Variants in BBS9 observed in about 807,000 individuals in gnomAD.
BBS9 encodes Bardet-Biedl syndrome 9.
A neutral mutation model predicts 117.7 loss-of-function variants in BBS9; 89 were observed. That is an observed-to-expected ratio of 0.76 (90% CI 0.64 to 0.90). The LOEUF (loss-of-function observed/expected upper bound fraction) is 0.90, where lower values mean the gene tolerates loss of function less well. Among genes scored for constraint, BBS9 ranks in the 40% least tolerant of loss-of-function variants. The probability of loss-of-function intolerance (pLI) is 0.00; values close to 1 mark genes in which losing one functional copy is unlikely to be tolerated. For missense variants in BBS9, 982 were observed against 1,042.2 expected, an observed-to-expected ratio of 0.94 and a Z score of 0.80; for synonymous variants, 379 against 370.9, an observed-to-expected ratio of 1.02 and a Z score of -0.25.
At chr7:33,134,147 T>G (rs1790069065) in intron 1 of BBS9, among the ~76,000 whole-genome samples, 5 of 152,060 alleles carry the variant, frequency 3.3e-5, no homozygotes, top group Admixed American at 3.3e-4. Flanking sequence ...GCCTCCAGGT[T>G]CAAGCAATTC....
intron 16 of BBS9, among the ~76,000 whole-genome samples, chr7:33,366,700 A>G (rs527409293): frequency 6.9e-4 from 104 of 151,502 alleles, no homozygotes; most frequent in South Asian, 1.3e-3. Flanking sequence ...GCATGCCACC[A>G]CACCCGGCTA....
At chr7:33,193,999 G>A (rs962085572) in intron 5 of BBS9, among the ~76,000 whole-genome samples, 2 of 152,128 alleles carry the variant, frequency 1.3e-5, no homozygotes, top group African/African-American at 4.8e-5. Flanking sequence ...CCTCTCGCCT[G>A]TCTTCCACTT....
chr7:33,152,963 G>C, intron 3 of BBS9, 112 bp downstream of exon 3: 3 of 1,244,606 alleles, frequency 2.4e-6, no homozygotes, highest in Non-Finnish European at 3.5e-6. Context: ...ATATTTTCTG[G>C]ATATTGTCAC....
chr7:33,433,221 G>A (rs1224348394), intron 19 of BBS9, among the ~76,000 whole-genome samples: 2 of 152,044 alleles, frequency 1.3e-5, no homozygotes, highest in Non-Finnish European at 2.9e-5. Context: ...GCATTTGCTG[G>A]TATCACAAGT....
At chr7:33,241,355 A>G (rs1462844361) in intron 5 of BBS9, among the ~76,000 whole-genome samples, 1 of 152,122 alleles carries the variant, frequency 6.6e-6, no homozygotes, top group Non-Finnish European at 1.5e-5. Flanking sequence ...CTTTTGAGAC[A>G]TTCTCTGTGC....
chr7:33,203,557 T>A (rs1356010032), intron 5 of BBS9, among the ~76,000 whole-genome samples: 1 of 152,154 alleles, frequency 6.6e-6, no homozygotes, highest in Admixed American at 6.5e-5. Flanking sequence ...GGGGTACAGC[T>A]CAGGAATGTG....
rs987925565 is a variant in BBS9 at position 33,527,404 on chromosome 7, C to T, written c.2299-6550C>T. 9.2e-5 allele frequency among the ~76,000 whole-genome samples: 14 copies of T among 152,080 alleles called. No individual in the cohort carries two copies. In the South Asian group the frequency reaches 1.0e-3, roughly 11 times the overall value. On this transcript the variant is annotated intron_variant, in intron 20 of 22. Transcript: ENST00000242067. The stretch of plus-strand genomic sequence containing the variant: ...GCTGTGCTAGCAATCAGCGAGACTC[C>T]GTGGGCGTAGGACCCTCCGAGCCAG...
intron 5 of BBS9, chr7:33,243,057 G>T (rs1794794488): frequency 2.0e-6 from 1 of 507,154 alleles, no homozygotes; most frequent in Non-Finnish European, 3.9e-6. Context: ...TGCTAATAAT[G>T]TATGGACCAC....
At chr7:33,599,221 G>C (rs1051809484) in intron 21 of BBS9, among the ~76,000 whole-genome samples, 23 of 152,122 alleles carry the variant, frequency 1.5e-4, no homozygotes, top group African/African-American at 5.3e-4. Context: ...GGCAGGGCTT[G>C]AGTAAAATAG....
intron 9 of BBS9, among the ~76,000 whole-genome samples, chr7:33,283,927 G>T (rs950334868): frequency 2.0e-5 from 3 of 152,114 alleles, no homozygotes; most frequent in Admixed American, 6.5e-5. Context: ...CAAGAGGCTA[G>T]TGAGTGTCAC....
At chr7:33,283,951 G>A (rs1433504128) in intron 9 of BBS9, among the ~76,000 whole-genome samples, 1 of 152,074 alleles carries the variant, frequency 6.6e-6, no homozygotes, top group African/African-American at 2.4e-5. Context: ...AGCCCCTAAC[G>A]GCCCCTGTCA....
chr7:33,533,948 A>T lies in BBS9; in HGVS notation c.2299-6A>T. The stretch of plus-strand genomic sequence containing the variant: ...GTATTAATTCAAAATTGGCTTTTGT[A>T]TCCAGGGCTGGGAAGAAACGGTGGA... On this transcript the variant is annotated splice_region_variant and splice_polypyrimidine_tract_variant and intron_variant, in intron 20 of 22. Transcript: ENST00000242067. 6.2e-7 allele frequency: 1 copy of T among 1,614,278 alleles called. No homozygotes were observed. The highest frequency in any genetic ancestry group is 8.5e-7 in the Non-Finnish European group (1 of 1,180,050).
intron 21 of BBS9, among the ~76,000 whole-genome samples, chr7:33,630,818 G>A (rs1365099834): frequency 2.0e-5 from 3 of 151,928 alleles, no homozygotes; most frequent in African/African-American, 4.8e-5. Flanking sequence ...ACTCATTTAT[G>A]CATTCTTTCA....
chr7:33,226,993 T>C (rs181569142), intron 5 of BBS9, among the ~76,000 whole-genome samples: 9 of 152,278 alleles, frequency 5.9e-5, no homozygotes, highest in East Asian at 3.9e-4. Context: ...CACTTATGAA[T>C]GTACCTAATG....
At chr7:33,560,577 T>G (rs1855944724) in intron 21 of BBS9, among the ~76,000 whole-genome samples, 1 of 152,198 alleles carries the variant, frequency 6.6e-6, no homozygotes, top group African/African-American at 2.4e-5. Context: ...TGCTGCTTAC[T>G]TCCCCCTCCC....
chr7:33,430,334 A>G (rs754436010), intron 19 of BBS9, among the ~76,000 whole-genome samples: 2 of 152,220 alleles, frequency 1.3e-5, no homozygotes, highest in Non-Finnish European at 2.9e-5. Context: ...AGGTTCTACT[A>G]AACATTTTTC....
intron 7 of BBS9, among the ~76,000 whole-genome samples, chr7:33,269,482 C>T (rs375334844): frequency 6.6e-6 from 1 of 152,140 alleles, no homozygotes; most frequent in African/African-American, 2.4e-5. Context: ...ACCCTTGGCT[C>T]CAACCACTGC....
At position 33,299,534 on chromosome 7, in the gene BBS9, T is replaced by TAATATTATTATAATTTAATAATAATC. The variant is rs1229022913; in HGVS notation, c.1016+25596_1016+25621dup. Among the ~76,000 whole-genome samples the TAATATTATTATAATTTAATAATAATC allele has an allele frequency of 6.2e-4, 92 of 149,574 alleles. No homozygotes were observed. In the Middle Eastern group the frequency reaches 0.025, roughly 40 times the overall value. ...ATAATGTTCTCTTCCAAAATAATAGTAATATTATTATAATTTAATAATAAT... is the reference window on the plus strand; with the variant it reads ...ATAATGTTCTCTTCCAAAATAATAGTAATATTATTATAATTTAATAATAATCAATATTATTATAATTTAATAATAAT... On this transcript the variant is annotated intron_variant, in intron 9 of 22. Transcript: ENST00000242067.
At chr7:33,438,896 A>G (rs1300305913) in intron 19 of BBS9, among the ~76,000 whole-genome samples, 1 of 152,236 alleles carries the variant, frequency 6.6e-6, no homozygotes, top group Non-Finnish European at 1.5e-5. Flanking sequence ...TCAGCAAGTT[A>G]TCATGACTAA....
Sources: gnomAD v4.1 joint callset for allele counts (sites outside exome capture counted in the v4.1 genomes callset) on GRCh38, gnomAD v4.1.1 for gene constraint, MANE v1.5 for transcripts, NCBI Gene and HGNC (gene_info 2026-07-23, HGNC 2026-07-21) for gene names.